The following SIPA1L1 variants were observed in gnomAD, a reference collection of about 807,000 sequenced individuals.
The protein encoded by SIPA1L1 is signal-induced proliferation-associated 1-like protein 1.
In SIPA1L1, 26 loss-of-function variants were observed where a neutral mutation model predicts 162.7. The ratio of observed to expected loss-of-function variants is 0.16; its 90% CI spans 0.12 to 0.22. The LOEUF is 0.22. Ranked by LOEUF, SIPA1L1 falls within the 10% of genes least tolerant of loss-of-function variation. The probability of loss-of-function intolerance (pLI) is 1.00; values close to 1 mark genes in which losing one functional copy is unlikely to be tolerated. For synonymous variants in SIPA1L1, 829 were observed against 837.4 expected (o/e 0.99, Z 0.17); for missense variants, 1,874 against 2,241.0 (o/e 0.84, Z 3.31).
chr14:71,377,240 GC>G lies in SIPA1L1; in HGVS notation c.-465+56066del, dbSNP rs930973806. ...GATGGGGTGGCGGCTGGGCGGGGGT[GC>G]CCCCCCACCTCCCAGACGGGGCGGC... On this transcript the variant is annotated intron_variant, in intron 2 of 23. Transcript: ENST00000381232. This position sits in a 1 kb window ranked among gnomAD's most constrained non-coding sequence, Gnocchi z 4.8. Among the ~76,000 whole-genome samples, 5 of 148,848 alleles carry G rather than the reference GC, an allele frequency of 3.4e-5. No individual in the cohort carries two copies. The highest frequency in any genetic ancestry group is 1.2e-4 in the African/African-American group (5 of 40,354).
At chr14:71,728,482 G>T (rs753217948) in intron 19 of SIPA1L1, among the ~76,000 whole-genome samples, 1 of 152,210 alleles carries the variant, frequency 6.6e-6, no homozygotes, top group African/African-American at 2.4e-5. Context: ...CATCTTGGGT[G>T]TATTCACAAT....
At chr14:71,734,762 T>C (rs1448765752) in intron 21 of SIPA1L1, among the ~76,000 whole-genome samples, 1 of 152,206 alleles carries the variant, frequency 6.6e-6, no homozygotes, top group Non-Finnish European at 1.5e-5. Context: ...GAAGTTTTGG[T>C]TTCTAATGGG....
At chr14:71,450,898 C>CT (rs1341632051) in intron 2 of SIPA1L1, among the ~76,000 whole-genome samples, 1 of 152,156 alleles carries the variant, frequency 6.6e-6, no homozygotes, top group African/African-American at 2.4e-5. Flanking sequence ...AGTTCCGCTG[C>CT]TGGGTATATA....
Position 71,699,038 on chromosome 14 carries a change from C to G in SIPA1L1, c.3432C>G (p.Ser1144=), listed in dbSNP as rs2081880748. 1.2e-6 allele frequency: 2 copies of G among 1,614,198 alleles called. No individual in the cohort carries two copies. The highest frequency in any genetic ancestry group is 1.7e-6 in the Non-Finnish European group (2 of 1,180,012). The change falls in exon 14 of 24, where the codon TCC becomes TCG. Residue 1144 remains serine, a synonymous_variant. Transcript: ENST00000381232. ...TCTCATCCATGGCTTTAGCAAGATCCCAGTGTCGGAACTCTCCTAGCAACT... is the reference window on the plus strand; with the variant it reads ...TCTCATCCATGGCTTTAGCAAGATCGCAGTGTCGGAACTCTCCTAGCAACT... The part of the protein sequence containing the change: ...VTVSSMALAR[S]QCRNSPSNLS...
intron 4 of SIPA1L1, among the ~76,000 whole-genome samples, chr14:71,529,744 T>TCATG (rs1345009393): frequency 6.6e-6 from 1 of 152,222 alleles, no homozygotes; most frequent in Non-Finnish European, 1.5e-5. Flanking sequence ...CATGATTGAC[T>TCATG]CATGAACTCT....
At chr14:71,438,825 CAT>C (rs1486808358) in intron 2 of SIPA1L1, among the ~76,000 whole-genome samples, 1 of 152,170 alleles carries the variant, frequency 6.6e-6, no homozygotes, top group Non-Finnish European at 1.5e-5. Context: ...GTCATGCTCT[CAT>C]GTGCTTCTGC....
At chr14:71,371,576 T>G (rs2038894293) in intron 2 of SIPA1L1, among the ~76,000 whole-genome samples, 1 of 148,680 alleles carries the variant, frequency 6.7e-6, no homozygotes, top group South Asian at 2.1e-4. Flanking sequence ...TTTTGTTTTG[T>G]TTTGGTTGGG....
In SIPA1L1 at chr14:71,377,988, G is replaced by C. The variant is rs1010243154; in HGVS notation, c.-465+56807G>C. 2.3e-4 allele frequency among the ~76,000 whole-genome samples: 35 copies of C among 152,116 alleles called. No homozygotes were observed. The highest frequency in any genetic ancestry group is 8.0e-4 in the African/African-American group (33 of 41,414). ...AAGCAGGAGATGGAGACGAGGGAGAGGGGGAGACAGTGGAAAGAAGGAGAG... is the reference window on the plus strand; with the variant it reads ...AAGCAGGAGATGGAGACGAGGGAGACGGGGAGACAGTGGAAAGAAGGAGAG... On this transcript the variant is annotated intron_variant, in intron 2 of 23. Coordinates refer to ENST00000381232, the MANE Select transcript of SIPA1L1 (RefSeq NM_001386936.1). This position sits in a 1 kb window ranked among gnomAD's most constrained non-coding sequence, Gnocchi z 4.8.
intron 4 of SIPA1L1, among the ~76,000 whole-genome samples, chr14:71,575,672 A>G (rs1286118014): frequency 2.0e-5 from 3 of 152,196 alleles, no homozygotes; most frequent in African/African-American, 7.2e-5. Flanking sequence ...GGGATTTTAA[A>G]TAGTCGATTC....
chr14:71,549,205 C>T (rs895258170), intron 4 of SIPA1L1, among the ~76,000 whole-genome samples: 4 of 152,130 alleles, frequency 2.6e-5, no homozygotes, highest in Admixed American at 2.6e-4. Flanking sequence ...AGTGACAGGT[C>T]CATTTATCAG....
intron 15 of SIPA1L1, among the ~76,000 whole-genome samples, chr14:71,703,168 G>A (rs2082207456): frequency 6.6e-6 from 1 of 152,184 alleles, no homozygotes; most frequent in African/African-American, 2.4e-5. Flanking sequence ...CAACACAGGA[G>A]CCTCAGGGAT....
At chr14:71,677,646 T>C (rs2045344885) in intron 12 of SIPA1L1, among the ~76,000 whole-genome samples, 1 of 152,232 alleles carries the variant, frequency 6.6e-6, no homozygotes, top group African/African-American at 2.4e-5. Context: ...GAATTAATTT[T>C]TGTATAAGGT....
At chr14:71,604,232 C>T (rs1458853314) in intron 5 of SIPA1L1, among the ~76,000 whole-genome samples, 1 of 151,818 alleles carries the variant, frequency 6.6e-6, no homozygotes, top group Non-Finnish European at 1.5e-5. Flanking sequence ...CTCCTGAGCT[C>T]AAGCCATCTG....
chr14:71,691,886 C>G (rs1414267915), intron 13 of SIPA1L1, among the ~76,000 whole-genome samples: 4 of 152,212 alleles, frequency 2.6e-5, no homozygotes, highest in Non-Finnish European at 5.9e-5. Flanking sequence ...CTTCTTCACT[C>G]ACAAAATTTA....
At chr14:71,474,154 A>G (rs1345484682) in intron 2 of SIPA1L1, among the ~76,000 whole-genome samples, 1 of 152,238 alleles carries the variant, frequency 6.6e-6, no homozygotes, top group Non-Finnish European at 1.5e-5. Flanking sequence ...CCTACAGAGA[A>G]TTATGGGTTG....
intron 4 of SIPA1L1, among the ~76,000 whole-genome samples, chr14:71,542,703 T>C (rs1358468966): frequency 1.7e-4 from 15 of 90,440 alleles, no homozygotes; most frequent in Middle Eastern, 8.8e-3. Context: ...CTTCTCCTCC[T>C]CCCTCCTCCT....
intron 2 of SIPA1L1, among the ~76,000 whole-genome samples, chr14:71,376,609 C>T (rs935034042): frequency 3.3e-5 from 5 of 150,672 alleles, no homozygotes; most frequent in Admixed American, 6.6e-5. Flanking sequence ...GGTGTTTCTC[C>T]GAGAGGGGGA....
At chr14:71,321,705 G>A (rs1337029210) in intron 2 of SIPA1L1, 1 of 152,336 alleles carries the variant, frequency 6.6e-6, no homozygotes. Flanking sequence ...AACCGCGAAA[G>A]GGCTGGGAAG....
At chr14:71,687,295 C>A (rs1292796271) in intron 13 of SIPA1L1, among the ~76,000 whole-genome samples, 3 of 152,138 alleles carry the variant, frequency 2.0e-5, no homozygotes, top group Non-Finnish European at 2.9e-5. Context: ...AGGAAAACAT[C>A]CAAGAGACCT....
Sources: allele counts gnomAD v4.1 joint callset (sites outside exome capture counted in the v4.1 genomes callset), GRCh38; gene constraint gnomAD v4.1.1; non-coding constraint Gnocchi (gnomAD v3.1); transcripts MANE v1.5; gene names NCBI Gene and HGNC (gene_info 2026-07-23, HGNC 2026-07-21).